Variants in CDH10 observed in about 807,000 individuals in gnomAD.
CDH10 encodes the protein cadherin-10.
CDH10 carries 30 observed loss-of-function variants against 73.1 expected under a neutral mutation model. The observed-to-expected ratio is 0.41, with a 90% CI of 0.31 to 0.56. CDH10 has a LOEUF of 0.56. Ranked by LOEUF, CDH10 falls within the 20% of genes least tolerant of loss-of-function variation. CDH10 has a pLI of 0.27. For missense variants in CDH10, 815 were observed against 973.7 expected, an observed-to-expected ratio of 0.84 and a Z score of 2.17; for synonymous variants, 345 against 348.2, an observed-to-expected ratio of 0.99 and a Z score of 0.10.
intron 2 of CDH10, among the ~76,000 whole-genome samples, chr5:24,543,233 G>C (rs1463218202): frequency 6.6e-6 from 1 of 152,108 alleles, no homozygotes; most frequent in Non-Finnish European, 1.5e-5. Context: ...TTCTCATTCA[G>C]AATATTGATA....
chr5:24,642,584 C>A (rs955829220), intron 1 of CDH10, among the ~76,000 whole-genome samples: 1 of 151,936 alleles, frequency 6.6e-6, no homozygotes, highest in Non-Finnish European at 1.5e-5. Context: ...AAGAAAATCC[C>A]AGTGTGGGTA....
intron 5 of CDH10, among the ~76,000 whole-genome samples, chr5:24,525,175 G>A (rs1009978223): frequency 6.6e-6 from 1 of 151,986 alleles, no homozygotes; most frequent in Non-Finnish European, 1.5e-5. Flanking sequence ...CTTACCTCTA[G>A]GTTTTGAGTT....
At chr5:24,498,902 A>G (rs539910248) in intron 8 of CDH10, among the ~76,000 whole-genome samples, 1 of 152,110 alleles carries the variant, frequency 6.6e-6, no homozygotes. Flanking sequence ...ATGAAGAAAT[A>G]GTTTTTTTTG....
rs956289293 is a variant in CDH10 at position 24,506,112 on chromosome 5, C to CAA, written c.1257-866_1257-865dup. On this transcript the variant is annotated intron_variant, in intron 7 of 11. Transcript: ENST00000264463. The stretch of plus-strand genomic sequence containing the variant: ...CCTGGGCAACACAGCAAGACTCCGT[C>CAA]AAAAAAAAAAAAAAAAAGGAAAAGA... 5.0e-3 allele frequency among the ~76,000 whole-genome samples: 406 copies of CAA among 81,930 alleles called. 4 individuals carry two copies. Among genetic ancestry groups the CAA allele is most frequent in the African/African-American group, 0.015 (353 of 24,316 alleles). 53.7% of individuals were successfully genotyped at this position (81,930 alleles called of 152,430 possible). A position where few individuals can be genotyped will look rare whatever the true frequency, so the allele number is the denominator to read the frequency against.
At chr5:24,609,416 C>T (rs1302298751) in intron 1 of CDH10, among the ~76,000 whole-genome samples, 1 of 151,736 alleles carries the variant, frequency 6.6e-6, no homozygotes, top group Non-Finnish European at 1.5e-5. Flanking sequence ...CCTCACAGAG[C>T]TCCACACAAT....
Position 24,535,688 on chromosome 5 carries a change from T to C in CDH10, c.646+15A>G. On this transcript the variant is annotated intron_variant, in intron 4 of 11. Coordinates refer to ENST00000264463, the MANE Select transcript of CDH10 (RefSeq NM_006727.5). ...AGATGATCAAATGAACAAACAGCAA[T>C]TCATGATTCCTGACCTGTTTCAGGC... 1 of 1,599,536 alleles carries C rather than the reference T, an allele frequency of 6.3e-7. No individual in the cohort carries two copies. The highest frequency in any genetic ancestry group is 8.5e-7 in the Non-Finnish European group (1 of 1,173,438).
At position 24,498,501 on chromosome 5, in the gene CDH10, G is replaced by C. The variant is rs750821300; in HGVS notation, c.1412C>G (p.Thr471Arg). The change falls in exon 9 of 12, where the codon ACA becomes AGA. Residue 471 changes from threonine (T) to arginine (R), a missense_variant. Physicochemically the swap from Thr to Arg is moderately conservative, Grantham distance 71. Coordinates refer to ENST00000264463, the MANE Select transcript of CDH10 (RefSeq NM_006727.5). ...AAEINNPKET[T>R]RVAVFVRILD... is the part of the protein sequence containing the mutation. ...AATTCTCACAAAAACAGCCACGCGTGTTGTCTCTTTGGGATTGTCTGGAAA... is the reference window on the plus strand; with the variant it reads ...AATTCTCACAAAAACAGCCACGCGTCTTGTCTCTTTGGGATTGTCTGGAAA... 1.9e-6 allele frequency: 3 copies of C among 1,600,736 alleles called. No individual in the cohort carries two copies. The highest frequency in any genetic ancestry group is 4.5e-5 in the East Asian group (2 of 44,770).
chr5:24,537,541 T>A lies in CDH10; in HGVS notation c.365A>T (p.Lys122Met), dbSNP rs2111895182. The A allele has an allele frequency of 6.2e-7, 1 of 1,613,020 alleles. No individual in the cohort carries two copies. Residue 122 changes from lysine (K) to methionine (M), a missense_variant, in exon 3 of 12, where the codon AAG (lysine) becomes ATG (methionine). Lys to Met is a moderately conservative substitution (Grantham distance 95). This residue lies in a region of CDH10 where 516 missense variants were observed against 636.6 expected (regional missense o/e 0.81). Transcript: ENST00000264463. ...HATRRIDREE[K>M]AFYTLRAQAI... ...TTGTGCGCGTAGAGTATAAAAGGCC[T>A]TTTCCTCCCTATCAATTCGCCTTGT... is the stretch of plus-strand genomic sequence containing the variant.
At chr5:24,621,377 C>A (rs1019225088) in intron 1 of CDH10, among the ~76,000 whole-genome samples, 12 of 152,116 alleles carry the variant, frequency 7.9e-5, no homozygotes, top group Non-Finnish European at 1.6e-4. Context: ...ACCTTCTCAG[C>A]CATAAAAAGC....
chr5:24,619,966 G>A (rs1554026575), intron 1 of CDH10, among the ~76,000 whole-genome samples: 1 of 152,174 alleles, frequency 6.6e-6, no homozygotes, highest in Non-Finnish European at 1.5e-5. Flanking sequence ...TTTATGGTAG[G>A]TTGTCACTGT....
At chr5:24,500,980 C>A (rs1197632161) in intron 8 of CDH10, among the ~76,000 whole-genome samples, 1 of 152,074 alleles carries the variant, frequency 6.6e-6, no homozygotes, top group Admixed American at 6.6e-5. Flanking sequence ...TATGCCAGAC[C>A]ATTTGCTAAT....
chr5:24,560,270 T>C (rs1024904532), intron 2 of CDH10, among the ~76,000 whole-genome samples: 21 of 151,636 alleles, frequency 1.4e-4, no homozygotes, highest in African/African-American at 3.4e-4. Flanking sequence ...TCTACACATT[T>C]CCTCTGGCTT....
rs75272859 is a variant in CDH10, at chr5:24,627,670, G to T, written c.-124+16924C>A. 9.7e-3 allele frequency among the ~76,000 whole-genome samples: 1,480 copies of T among 152,206 alleles called. 117 individuals carry two copies. In the East Asian group the frequency reaches 0.21, roughly 21 times the overall value. On this transcript the variant is annotated intron_variant, in intron 1 of 11. Coordinates refer to ENST00000264463, the MANE Select transcript of CDH10 (RefSeq NM_006727.5). Reference sequence around the variant, plus strand: ...CACCTGCCTCCTTTAACATGAGGATGAAAGGGAATACTAGAGGCAAATCAC... The same window carrying T: ...CACCTGCCTCCTTTAACATGAGGATTAAAGGGAATACTAGAGGCAAATCAC...
At chr5:24,490,221 T>C (rs938081139) in intron 11 of CDH10, among the ~76,000 whole-genome samples, 1 of 152,082 alleles carries the variant, frequency 6.6e-6, no homozygotes, top group African/African-American at 2.4e-5. Flanking sequence ...AAATAAATAT[T>C]TATATTATTC....
intron 5 of CDH10, among the ~76,000 whole-genome samples, chr5:24,517,508 C>T (rs1039296343): frequency 2.0e-5 from 3 of 152,014 alleles, no homozygotes; most frequent in East Asian, 1.9e-4. Context: ...CCTCCACTGG[C>T]CAACATTTAG....
At chr5:24,633,880 ATT>A (rs931669626) in intron 1 of CDH10, among the ~76,000 whole-genome samples, 9 of 151,834 alleles carry the variant, frequency 5.9e-5, no homozygotes, top group African/African-American at 2.2e-4. Flanking sequence ...GCCAGAAAAC[ATT>A]GTGTACTATA....
rs1215502346 is a variant in CDH10 at position 24,593,538 on chromosome 5, A to T, written c.-48T>A. Reference sequence around the variant, plus strand: ...AGTGTAGATGAAGAGAAGTGGTCCTATTTTACCCAGTTGGTTTTACTGTGT... The same window carrying T: ...AGTGTAGATGAAGAGAAGTGGTCCTTTTTTACCCAGTTGGTTTTACTGTGT... On this transcript the variant is annotated 5_prime_UTR_variant, in exon 2 of 12. Transcript: ENST00000264463. 9.4e-7 allele frequency: 1 copy of T among 1,064,748 alleles called. No individual in the cohort carries two copies. Among genetic ancestry groups the T allele is most frequent in the Non-Finnish European group, 1.4e-6 (1 of 692,934 alleles). 66.0% of individuals were successfully genotyped at this position (1,064,748 alleles called of 1,614,324 possible). A position where few individuals can be genotyped will look rare whatever the true frequency, so the allele number is the denominator to read the frequency against.
At chr5:24,572,592 C>T (rs1440244904) in intron 2 of CDH10, among the ~76,000 whole-genome samples, 2 of 151,828 alleles carry the variant, frequency 1.3e-5, no homozygotes, top group Admixed American at 1.3e-4. Flanking sequence ...GTTATATTGG[C>T]TGATGGCAGG....
At chr5:24,545,227 G>A (rs1382600626) in intron 2 of CDH10, among the ~76,000 whole-genome samples, 2 of 152,084 alleles carry the variant, frequency 1.3e-5, no homozygotes, top group Non-Finnish European at 2.9e-5. Context: ...GACATTGAAC[G>A]TTTTTACACC....
Sources: allele counts gnomAD v4.1 joint callset (sites outside exome capture counted in the v4.1 genomes callset), GRCh38; gene constraint gnomAD v4.1.1; regional missense constraint gnomAD v4.1.1; transcripts MANE v1.5; gene names NCBI Gene and HGNC (gene_info 2026-07-23, HGNC 2026-07-21).